Variants in FGF12 observed in about 807,000 individuals in gnomAD.
FGF12 encodes the protein fibroblast growth factor 12.
Under a neutral mutation model 23.6 loss-of-function variants are expected in FGF12, and 14 were observed. That is an observed-to-expected ratio of 0.59 (90% CI 0.39 to 0.93). The LOEUF (loss-of-function observed/expected upper bound fraction) is 0.93, where lower values mean the gene tolerates loss of function less well. FGF12 is among the 40% of genes least tolerant of loss of function. FGF12 has a pLI of 0.00. For synonymous variants in FGF12, 62 were observed against 77.3 expected (o/e 0.80, Z 1.04); for missense variants, 175 against 217.8 (o/e 0.80, Z 1.24).
intron 2 of FGF12, among the ~76,000 whole-genome samples, chr3:192,523,241 C>G (rs1724865885): frequency 6.6e-6 from 1 of 152,116 alleles, no homozygotes; most frequent in Non-Finnish European, 1.5e-5. Flanking sequence ...AACATCATAA[C>G]TTCTCAGAGC....
At chr3:192,156,308 GC>G (rs1322970550) in intron 5 of FGF12, among the ~76,000 whole-genome samples, 1 of 152,182 alleles carries the variant, frequency 6.6e-6, no homozygotes, top group Non-Finnish European at 1.5e-5. Context: ...GAAATTGGAA[GC>G]AAATCCTCTA....
At chr3:192,339,945 G>T (rs1052538199) in intron 3 of FGF12, among the ~76,000 whole-genome samples, 1 of 152,062 alleles carries the variant, frequency 6.6e-6, no homozygotes, top group Non-Finnish European at 1.5e-5. Flanking sequence ...AGGTTTTCTT[G>T]TTAGAATGAA....
At chr3:192,570,765 T>C (rs1712597604) in intron 2 of FGF12, among the ~76,000 whole-genome samples, 1 of 152,200 alleles carries the variant, frequency 6.6e-6, no homozygotes, top group Admixed American at 6.5e-5. Flanking sequence ...AATATTTTTA[T>C]TGATTTTGGC....
chr3:192,197,394 A>G (rs1441292212), intron 4 of FGF12, among the ~76,000 whole-genome samples: 1 of 152,212 alleles, frequency 6.6e-6, no homozygotes, highest in Non-Finnish European at 1.5e-5. Context: ...TCTGCGTTAT[A>G]TGAAATTTAA....
chr3:192,264,308 T>C (rs1206269201), intron 4 of FGF12, among the ~76,000 whole-genome samples: 3 of 152,134 alleles, frequency 2.0e-5, no homozygotes, highest in East Asian at 1.9e-4. Flanking sequence ...AGGAAGACTT[T>C]TCCTAAAAGC....
chr3:192,282,496 A>C (rs1016379971), intron 4 of FGF12, among the ~76,000 whole-genome samples: 2 of 152,082 alleles, frequency 1.3e-5, no homozygotes, highest in Non-Finnish European at 2.9e-5. Context: ...AATTTTCTTT[A>C]AGGAGTGGCT....
At chr3:192,243,669 A>T (rs6781291) in intron 4 of FGF12, among the ~76,000 whole-genome samples, 3,073 of 152,122 alleles carry the variant, frequency 0.02, 79 homozygotes, top group African/African-American at 0.059. Context: ...CCTCAGTAGG[A>T]GATTTTAAAA....
At chr3:192,367,800 C>A (rs765597407) in intron 2 of FGF12, among the ~76,000 whole-genome samples, 1 of 152,112 alleles carries the variant, frequency 6.6e-6, no homozygotes, top group African/African-American at 2.4e-5. Context: ...AGAATCTGCT[C>A]TGTGGAGTAA....
At chr3:192,338,897 T>C (rs916180381) in intron 3 of FGF12, among the ~76,000 whole-genome samples, 1 of 152,198 alleles carries the variant, frequency 6.6e-6, no homozygotes, top group Non-Finnish European at 1.5e-5. Flanking sequence ...AGTTCACTGA[T>C]AATTACTGTG....
chr3:192,226,200 T>C (rs1718723914), intron 4 of FGF12, among the ~76,000 whole-genome samples: 1 of 152,176 alleles, frequency 6.6e-6, no homozygotes, highest in Non-Finnish European at 1.5e-5. Context: ...GAACCATTGC[T>C]CTTTTGAAGT....
At chr3:192,536,231 G>A (rs756653410) in intron 2 of FGF12, among the ~76,000 whole-genome samples, 4 of 152,112 alleles carry the variant, frequency 2.6e-5, no homozygotes, top group Admixed American at 1.3e-4. Context: ...GCTACAACCT[G>A]AGTCGAGTGA....
At chr3:192,528,812 A>G (rs188012376) in intron 2 of FGF12, among the ~76,000 whole-genome samples, 13 of 152,320 alleles carry the variant, frequency 8.5e-5, no homozygotes, top group African/African-American at 3.1e-4. Context: ...CTCTGAAGTC[A>G]TGGCCAGAGC....
intron 2 of FGF12, among the ~76,000 whole-genome samples, chr3:192,634,935 C>T (rs1715524544): frequency 6.6e-6 from 1 of 152,168 alleles, no homozygotes; most frequent in Non-Finnish European, 1.5e-5. Flanking sequence ...TCTCCACTCA[C>T]TGCAACCTCT....
chr3:192,228,054 G>C (rs781149413), intron 4 of FGF12, among the ~76,000 whole-genome samples: 3 of 152,076 alleles, frequency 2.0e-5, no homozygotes, highest in Non-Finnish European at 2.9e-5. Context: ...GATCAGACAG[G>C]AGGAATAAGT....
At chr3:192,543,648 T>C (rs189935576) in intron 2 of FGF12, among the ~76,000 whole-genome samples, 388 of 152,174 alleles carry the variant, frequency 2.5e-3, no homozygotes, top group African/African-American at 9.0e-3. Context: ...TCTTTGAGTC[T>C]CACCCAAGGC....
intron 4 of FGF12, among the ~76,000 whole-genome samples, chr3:192,192,520 TAC>T (rs1716846827): frequency 6.7e-6 from 1 of 149,060 alleles, no homozygotes; most frequent in South Asian, 2.1e-4. Flanking sequence ...ATTATATATA[TAC>T]ACACACAGTG....
chr3:192,395,694 G>A (rs780560403), intron 2 of FGF12, among the ~76,000 whole-genome samples: 5 of 152,152 alleles, frequency 3.3e-5, no homozygotes, highest in Admixed American at 2.0e-4. Flanking sequence ...CAGACTAACC[G>A]CAGACAACAG....
intron 2 of FGF12, among the ~76,000 whole-genome samples, chr3:192,428,270 G>A (rs1225083394): frequency 1.3e-5 from 2 of 152,178 alleles, no homozygotes; most frequent in African/African-American, 4.8e-5. Flanking sequence ...AGAAGGCAGG[G>A]AGTCTAAATT....
At chr3:192,618,776 A>G (rs1389638302) in intron 2 of FGF12, among the ~76,000 whole-genome samples, 1 of 151,990 alleles carries the variant, frequency 6.6e-6, no homozygotes, top group African/African-American at 2.4e-5. Context: ...AATACTAAAA[A>G]AAAAACAGTA....
Sources: allele counts gnomAD v4.1 joint callset (sites outside exome capture counted in the v4.1 genomes callset), GRCh38; gene constraint gnomAD v4.1.1; transcripts MANE v1.5; gene names NCBI Gene and HGNC (gene_info 2026-07-23, HGNC 2026-07-21).